The following GFRAL variants were observed in gnomAD, a reference collection of about 807,000 sequenced individuals.
GFRAL encodes GDNF family receptor alpha-like.
A neutral mutation model predicts 45.4 loss-of-function variants in GFRAL; 36 were observed. The observed-to-expected ratio is 0.79, with a 90% confidence interval of 0.61 to 1.05. GFRAL has a LOEUF of 1.05. GFRAL is among the 50% of genes least tolerant of loss of function. The probability of loss-of-function intolerance (pLI) is 0.00; values close to 1 mark genes in which losing one functional copy is unlikely to be tolerated. For synonymous variants in GFRAL, 166 were observed against 154.1 expected (o/e 1.08, Z -0.57); for missense variants, 507 against 467.5 (o/e 1.08, Z -0.78).
At chr6:55,363,314 TACAC>T (rs539374815) in intron 6 of GFRAL, among the ~76,000 whole-genome samples, 1 of 152,016 alleles carries the variant, frequency 6.6e-6, no homozygotes, top group East Asian at 1.9e-4. Context: ...TTTACTCTGA[TACAC>T]ACACACATTT....
intron 6 of GFRAL, among the ~76,000 whole-genome samples, chr6:55,398,486 G>T (rs1768855251): frequency 6.6e-6 from 1 of 152,160 alleles, no homozygotes; most frequent in Non-Finnish European, 1.5e-5. Flanking sequence ...TCACCTAAAA[G>T]AGATCTATCA....
intron 6 of GFRAL, among the ~76,000 whole-genome samples, chr6:55,360,286 A>G (rs975114994): frequency 6.6e-6 from 1 of 151,970 alleles, no homozygotes; most frequent in Non-Finnish European, 1.5e-5. Flanking sequence ...TGTAACTACC[A>G]TATCTGCAGG....
At chr6:55,340,930 C>T (rs147385249) in intron 3 of GFRAL, among the ~76,000 whole-genome samples, 16 of 152,276 alleles carry the variant, frequency 1.1e-4, no homozygotes, top group East Asian at 3.9e-4. Context: ...TCATTCCTAG[C>T]GCAGCAGTCT....
At chr6:55,346,474 T>C (rs897529638) in intron 3 of GFRAL, among the ~76,000 whole-genome samples, 8 of 151,614 alleles carry the variant, frequency 5.3e-5, no homozygotes, top group Non-Finnish European at 7.4e-5. Context: ...TTGTCACTCA[T>C]AGGTGGGAAT....
Position 55,358,909 on chromosome 6 carries a change from G to A in GFRAL, c.723G>A (p.Gln241=), listed in dbSNP as rs1245832275. Residue 241 remains glutamine, a synonymous_variant, in exon 6 of 9, where the codon CAG becomes CAA. Coordinates refer to ENST00000340465, the MANE Select transcript of GFRAL (RefSeq NM_207410.2). The part of the protein sequence containing the change: ...ELCRRHYRTF[Q]SKCWQRVTRK... ...CTAGGAGGCACTATAGAACATTTCA[G>A]TCAAAATGCTGGCAGCGTGTGACTA... 1.2e-6 allele frequency: 2 copies of A among 1,612,454 alleles called. No individual in the cohort carries two copies. The highest frequency in any genetic ancestry group is 2.7e-5 in the African/African-American group (2 of 74,810).
chr6:55,341,259 T>A (rs1322134679), intron 3 of GFRAL, among the ~76,000 whole-genome samples: 3 of 152,224 alleles, frequency 2.0e-5, no homozygotes, highest in Non-Finnish European at 4.4e-5. Flanking sequence ...GTAGCCTAAC[T>A]GGGAGGCACC....
intron 6 of GFRAL, among the ~76,000 whole-genome samples, chr6:55,359,749 G>A (rs1018621865): frequency 1.1e-4 from 17 of 151,924 alleles, no homozygotes; most frequent in Non-Finnish European, 2.2e-4. Context: ...GTTCCTAATG[G>A]CTAAACCCCA....
chr6:55,347,006 A>G (rs1290830416), intron 3 of GFRAL, among the ~76,000 whole-genome samples: 2 of 152,112 alleles, frequency 1.3e-5, no homozygotes, highest in Non-Finnish European at 2.9e-5. Context: ...TGAGAAAACA[A>G]AACAGTATAA....
Position 55,402,053 on chromosome 6 carries a change from T to A in GFRAL, c.*200T>A. ...GTACAATGGCTCAATCTCGGTTCAC[T>A]GCAACCTCTGCCTCCAAGGTTCAAG... On this transcript the variant is annotated 3_prime_UTR_variant, in exon 9 of 9. Coordinates refer to ENST00000340465, the MANE Select transcript of GFRAL (RefSeq NM_207410.2). The A allele has an allele frequency of 7.0e-6, 3 of 429,508 alleles. No homozygotes were observed. In the South Asian group the frequency reaches 1.2e-4, roughly 17 times the overall value. The allele number at this position is 429,508 out of a possible 1,614,324, so 26.6% of individuals were successfully genotyped here.
intron 6 of GFRAL, among the ~76,000 whole-genome samples, chr6:55,384,322 A>T (rs528893837): frequency 6.6e-6 from 1 of 152,094 alleles, no homozygotes; most frequent in South Asian, 2.1e-4. Context: ...ACATCCCCAG[A>T]CTCAAGAGAA....
chr6:55,371,124 T>A (rs932591080), intron 6 of GFRAL, among the ~76,000 whole-genome samples: 3 of 152,318 alleles, frequency 2.0e-5, no homozygotes, highest in East Asian at 3.9e-4. Flanking sequence ...TTTTGTTACT[T>A]TCACAATGAA....
At chr6:55,396,203 A>C (rs911121801) in intron 6 of GFRAL, among the ~76,000 whole-genome samples, 1 of 152,158 alleles carries the variant, frequency 6.6e-6, no homozygotes, top group South Asian at 2.1e-4. Flanking sequence ...TTGTGGAGTG[A>C]TTGCTAGACA....
At chr6:55,368,505 G>A (rs1282776043) in intron 6 of GFRAL, among the ~76,000 whole-genome samples, 2 of 152,052 alleles carry the variant, frequency 1.3e-5, no homozygotes, top group African/African-American at 4.8e-5. Context: ...TCCTTTGGAG[G>A]AGGAGAGGCA....
chr6:55,328,850 A>G (rs1000974953), intron 1 of GFRAL, among the ~76,000 whole-genome samples: 1 of 152,072 alleles, frequency 6.6e-6, no homozygotes, highest in African/African-American at 2.4e-5. Context: ...GATATGTTGT[A>G]CCAACATTTC....
At chr6:55,399,466 A>C in intron 8 of GFRAL, 25 bp downstream of exon 8, 1 of 1,435,430 alleles carries the variant, frequency 7.0e-7, no homozygotes, top group Non-Finnish European at 9.8e-7. Context: ...ATTAGAAGGA[A>C]AGGTCTGAAA....
In GFRAL at chr6:55,401,930, C is replaced by T; in HGVS notation, c.*77C>T. The T allele has an allele frequency of 1.3e-6, 1 of 788,386 alleles. No homozygotes were observed. The highest frequency in any genetic ancestry group is 1.5e-5 in the South Asian group (1 of 65,346). The allele number at this position is 788,386 out of a possible 1,614,324, so 48.8% of individuals were successfully genotyped here. A position where few individuals can be genotyped will look rare whatever the true frequency, so the allele number is the denominator to read the frequency against. ...CTTTCCTCTTTTCTTCTCTCCTCTC[C>T]TCTCCTCTCTTCTCCTCTCCTCCCC... is the stretch of plus-strand genomic sequence containing the variant. On this transcript the variant is annotated 3_prime_UTR_variant, in exon 9 of 9. Transcript: ENST00000340465.
intron 6 of GFRAL, among the ~76,000 whole-genome samples, chr6:55,388,461 CT>C (rs1768707406): frequency 6.6e-6 from 1 of 152,158 alleles, no homozygotes; most frequent in Admixed American, 6.5e-5. Context: ...GATTCAATCC[CT>C]GAATCTCTAT....
At chr6:55,363,699 G>C (rs1476552060) in intron 6 of GFRAL, among the ~76,000 whole-genome samples, 2 of 149,092 alleles carry the variant, frequency 1.3e-5, no homozygotes, top group East Asian at 4.0e-4. Flanking sequence ...TTGGTTTTTT[G>C]TTCTTGCGAT....
intron 3 of GFRAL, among the ~76,000 whole-genome samples, chr6:55,346,324 A>C (rs1768041268): frequency 6.6e-6 from 1 of 152,218 alleles, no homozygotes; most frequent in Non-Finnish European, 1.5e-5. Flanking sequence ...TGATTAAGGA[A>C]ATGTGGCACA....
Sources: allele counts gnomAD v4.1 joint callset (sites outside exome capture counted in the v4.1 genomes callset), GRCh38; gene constraint gnomAD v4.1.1; transcripts MANE v1.5; gene names NCBI Gene and HGNC (gene_info 2026-07-23, HGNC 2026-07-21).